The following NKAIN2 variants were observed in gnomAD, a reference collection of about 807,000 sequenced individuals.
NKAIN2 encodes sodium/potassium transporting ATPase interacting 2.
Under a neutral mutation model 32.6 loss-of-function variants are expected in NKAIN2, and 14 were observed. That is an observed-to-expected ratio of 0.43 (90% CI 0.28 to 0.67). NKAIN2 has a LOEUF of 0.67. NKAIN2 is among the 30% of genes least tolerant of loss of function. The pLI, the probability that NKAIN2 is intolerant of heterozygous loss-of-function variation, is 0.17. For missense variants in NKAIN2, 198 were observed against 258.3 expected (o/e 0.77, Z 1.60); for synonymous variants, 80 against 87.2 (o/e 0.92, Z 0.46).
chr6:124,396,447 AG>A (rs1413000771), intron 3 of NKAIN2, among the ~76,000 whole-genome samples: 2 of 151,504 alleles, frequency 1.3e-5, no homozygotes, highest in African/African-American at 2.4e-5. Context: ...AAAAAAGAAA[AG>A]AAAAAAAGAG....
chr6:124,422,073 T>C (rs1774779596), intron 3 of NKAIN2, among the ~76,000 whole-genome samples: 1 of 151,362 alleles, frequency 6.6e-6, no homozygotes, highest in Non-Finnish European at 1.5e-5. Context: ...GCTTATAGAA[T>C]GACAGAAAAA....
At chr6:124,683,161 A>T (rs904389225) in intron 4 of NKAIN2, among the ~76,000 whole-genome samples, 1 of 152,206 alleles carries the variant, frequency 6.6e-6, no homozygotes, top group African/African-American at 2.4e-5. Context: ...AACTGAAATA[A>T]AATGAACCAT....
At chr6:124,149,469 A>G (rs1475033099) in intron 1 of NKAIN2, among the ~76,000 whole-genome samples, 1 of 152,196 alleles carries the variant, frequency 6.6e-6, no homozygotes, top group Non-Finnish European at 1.5e-5. Flanking sequence ...TTATGGTGAG[A>G]GGTCCTGGTC....
chr6:124,435,259 G>A (rs1446187919), intron 3 of NKAIN2, among the ~76,000 whole-genome samples: 1 of 152,080 alleles, frequency 6.6e-6, no homozygotes, highest in Non-Finnish European at 1.5e-5. Context: ...AAAGTCAGAG[G>A]CAAGACTGTA....
At position 124,638,913 on chromosome 6, in the gene NKAIN2, A is replaced by G. The variant is rs113635098; in HGVS notation, c.274-19273A>G. Among the ~76,000 whole-genome samples, 610 of 148,512 alleles carry G rather than the reference A, an allele frequency of 4.1e-3. 7 individuals carry two copies. Among genetic ancestry groups the G allele is most frequent in the African/African-American group, 0.015 (586 of 40,034 alleles). ...AAAAAAAAAAAAAAAAAAAAAAGAT[A>G]AGCAAAGAATCTGAATAGAAACTTT... On this transcript the variant is annotated intron_variant, in intron 3 of 6. Coordinates refer to ENST00000368417, the MANE Select transcript of NKAIN2 (RefSeq NM_001040214.3).
intron 1 of NKAIN2, among the ~76,000 whole-genome samples, chr6:124,246,069 C>G (rs1176130283): frequency 1.3e-5 from 2 of 152,074 alleles, no homozygotes; most frequent in African/African-American, 4.8e-5. Context: ...CACCCCTCCT[C>G]AAAGCGGTTT....
intron 4 of NKAIN2, among the ~76,000 whole-genome samples, chr6:124,664,863 G>A (rs1235881256): frequency 2.7e-5 from 4 of 147,280 alleles, no homozygotes; most frequent in Non-Finnish European, 6.0e-5. Flanking sequence ...CACAAGCAGT[G>A]GAGTTCACAA....
intron 4 of NKAIN2, among the ~76,000 whole-genome samples, chr6:124,699,428 G>A (rs139644901): frequency 3.3e-5 from 5 of 152,240 alleles, no homozygotes; most frequent in African/African-American, 9.6e-5. Context: ...CTTGTTATAC[G>A]GTTTTGATCT....
At chr6:124,345,336 T>A (rs1798355824) in intron 2 of NKAIN2, among the ~76,000 whole-genome samples, 1 of 152,194 alleles carries the variant, frequency 6.6e-6, no homozygotes, top group Non-Finnish European at 1.5e-5. Context: ...ATCAGGATGA[T>A]GCTGGCCTCA....
chr6:124,808,670 A>G (rs1780719188), intron 5 of NKAIN2, among the ~76,000 whole-genome samples: 1 of 152,092 alleles, frequency 6.6e-6, no homozygotes, highest in Admixed American at 6.6e-5. Context: ...AGGGTATTCA[A>G]TAGGAAAAGA....
At chr6:124,804,594 A>G (rs1780432826) in intron 5 of NKAIN2, 1 of 160,314 alleles carries the variant, frequency 6.2e-6, no homozygotes, top group Non-Finnish European at 1.3e-5. Flanking sequence ...CTGCATTTCC[A>G]TCTGAGGTAC....
At chr6:124,348,598 A>G (rs934050759) in intron 2 of NKAIN2, among the ~76,000 whole-genome samples, 5 of 152,196 alleles carry the variant, frequency 3.3e-5, no homozygotes, top group Non-Finnish European at 7.3e-5. Context: ...CTGCTGTGCT[A>G]GCAATCAGCG....
intron 3 of NKAIN2, among the ~76,000 whole-genome samples, chr6:124,509,575 A>G (rs1778631332): frequency 6.6e-6 from 1 of 152,214 alleles, no homozygotes; most frequent in Admixed American, 6.5e-5. Context: ...TGGTGAGCTC[A>G]TGACTTGTCT....
intron 4 of NKAIN2, among the ~76,000 whole-genome samples, chr6:124,765,182 A>G (rs1002767228): frequency 5.9e-5 from 9 of 152,176 alleles, no homozygotes; most frequent in Non-Finnish European, 8.8e-5. Context: ...TTTTGAAATG[A>G]CCTGTGAATA....
intron 1 of NKAIN2, among the ~76,000 whole-genome samples, chr6:124,071,037 G>A (rs1783439159): frequency 6.6e-6 from 1 of 152,164 alleles, no homozygotes; most frequent in Non-Finnish European, 1.5e-5. Context: ...TCATGCTCTG[G>A]ACAAAGACAC....
rs536533441 is a variant in NKAIN2 at position 124,310,852 on chromosome 6, G to A, written c.192+27710G>A. Among the ~76,000 whole-genome samples, 3 of 152,256 alleles carry A rather than the reference G, an allele frequency of 2.0e-5. No homozygotes were observed. In the South Asian group the frequency reaches 6.2e-4, roughly 32 times the overall value. On this transcript the variant is annotated intron_variant, in intron 2 of 6. Transcript: ENST00000368417. ...ACAATGAGATTAGCAGCAAAAGGAA[G>A]GCAGCGTGGTAAGGTGGAAGCACAC...
intron 1 of NKAIN2, among the ~76,000 whole-genome samples, chr6:124,165,085 G>A (rs1392729958): frequency 6.6e-6 from 1 of 151,866 alleles, no homozygotes; most frequent in East Asian, 1.9e-4. Context: ...CTTCTTTAAG[G>A]CCCAAAATTT....
intron 1 of NKAIN2, among the ~76,000 whole-genome samples, chr6:123,861,608 C>T (rs912265614): frequency 2.0e-5 from 3 of 152,056 alleles, no homozygotes; most frequent in African/African-American, 7.2e-5. Context: ...AATAAGTGTT[C>T]GTCTCTCTAA....
At chr6:124,633,884 C>T (rs1783670185) in intron 3 of NKAIN2, among the ~76,000 whole-genome samples, 2 of 152,198 alleles carry the variant, frequency 1.3e-5, no homozygotes, top group South Asian at 4.2e-4. Context: ...GTGCCTCAGG[C>T]TCTTGAGAGC....
Sources: gnomAD v4.1 joint callset for allele counts (sites outside exome capture counted in the v4.1 genomes callset) on GRCh38, gnomAD v4.1.1 for gene constraint, MANE v1.5 for transcripts, NCBI Gene and HGNC (gene_info 2026-07-23, HGNC 2026-07-21) for gene names.